Variants in CCDC33 observed in about 807,000 individuals in gnomAD.
The protein encoded by CCDC33 is coiled-coil domain-containing protein 33.
A neutral mutation model predicts 91.9 loss-of-function variants in CCDC33; 94 were observed. The observed-to-expected ratio is 1.02, with a 90% confidence interval of 0.87 to 1.21. The LOEUF (loss-of-function observed/expected upper bound fraction) is 1.21. Among genes scored for constraint, CCDC33 ranks in the 50% most tolerant of loss-of-function variants. The pLI is 0.00. For synonymous variants in CCDC33, 396 were observed against 374.5 expected (o/e 1.06, Z -0.66); for missense variants, 940 against 935.5 (o/e 1.00, Z -0.06).
intron 10 of CCDC33, among the ~76,000 whole-genome samples, chr15:74,287,886 G>A (rs907229544): frequency 9.9e-5 from 15 of 152,216 alleles, no homozygotes; most frequent in Non-Finnish European, 2.9e-5. Flanking sequence ...CCAGGTCACA[G>A]ACTCTGTGTC....
chr15:74,212,312 C>G (rs2074375310), upstream of CCDC33: 1 of 152,308 alleles, frequency 6.6e-6, no homozygotes, highest in Non-Finnish European at 1.5e-5. Flanking sequence ...TACCTTCTCC[C>G]TCCCGCCAGA....
chr15:74,251,770 A>G (rs867628709), intron 2 of CCDC33, among the ~76,000 whole-genome samples: 6 of 152,184 alleles, frequency 3.9e-5, no homozygotes, highest in African/African-American at 4.8e-5. Context: ...GACCCTGGTC[A>G]CAGACTGAGG....
At chr15:74,315,259 G>A (rs894604136) in intron 11 of CCDC33, among the ~76,000 whole-genome samples, 4 of 152,312 alleles carry the variant, frequency 2.6e-5, no homozygotes, top group South Asian at 2.1e-4. Flanking sequence ...AACATCCTGC[G>A]TGCCCCACCC....
intron 11 of CCDC33, among the ~76,000 whole-genome samples, chr15:74,328,977 T>G (rs966986889): frequency 1.3e-5 from 2 of 152,164 alleles, no homozygotes; most frequent in Non-Finnish European, 2.9e-5. Flanking sequence ...CACCTGCTGT[T>G]CCTCCATCCA....
At chr15:74,253,722 C>A (rs2075778808) in intron 2 of CCDC33, among the ~76,000 whole-genome samples, 1 of 152,140 alleles carries the variant, frequency 6.6e-6, no homozygotes, top group Non-Finnish European at 1.5e-5. Context: ...TCCTGTAGTT[C>A]CTGGCATGTG....
At chr15:74,231,348 C>G (rs1207842357), upstream of CCDC33, among the ~76,000 whole-genome samples, 7 of 152,360 alleles carry the variant, frequency 4.6e-5, no homozygotes, top group South Asian at 1.4e-3. Context: ...TCCTCCAGGC[C>G]CCCTGGCTCT....
chr15:74,231,292 A>T (rs1231244641), intron 2 of CCDC33, among the ~76,000 whole-genome samples: 1 of 152,228 alleles, frequency 6.6e-6, no homozygotes, highest in African/African-American at 2.4e-5. Flanking sequence ...ACCAGCCCTC[A>T]TAATCAAACA....
At chr15:74,295,692 T>C (rs1206207756) in intron 10 of CCDC33, 62 bp from the exon 11 acceptor site, 4 of 1,428,310 alleles carry the variant, frequency 2.8e-6, no homozygotes, top group Non-Finnish European at 3.8e-6. Context: ...ATGGTGTGCT[T>C]ATGGTAGATG....
At chr15:74,284,056 A>AACTG (rs2059426258) in intron 10 of CCDC33, among the ~76,000 whole-genome samples, 1 of 152,234 alleles carries the variant, frequency 6.6e-6, no homozygotes, top group Non-Finnish European at 1.5e-5. Context: ...ATTGGCCAAT[A>AACTG]ACTGACTCCC....
At chr15:74,328,518 T>A (rs1446119248) in intron 11 of CCDC33, among the ~76,000 whole-genome samples, 1 of 152,218 alleles carries the variant, frequency 6.6e-6, no homozygotes, top group Non-Finnish European at 1.5e-5. Context: ...GTGTGTGGTC[T>A]CTAGACAGAG....
chr15:74,306,554 C>G (rs1475490017), intron 11 of CCDC33, among the ~76,000 whole-genome samples: 1 of 152,212 alleles, frequency 6.6e-6, no homozygotes, highest in African/African-American at 2.4e-5. Flanking sequence ...GTGCCTGTCT[C>G]TCTCCAGGCC....
chr15:74,260,141 G>A (rs1393662467), intron 2 of CCDC33, among the ~76,000 whole-genome samples: 4 of 152,318 alleles, frequency 2.6e-5, no homozygotes, highest in African/African-American at 9.6e-5. Flanking sequence ...TGTCAGGAGC[G>A]GGAGCCTAGG....
intron 7 of CCDC33, among the ~76,000 whole-genome samples, chr15:74,276,548 C>T (rs888648002): frequency 2.0e-5 from 3 of 152,192 alleles, no homozygotes; most frequent in African/African-American, 7.2e-5. Context: ...GCTAGCCTCC[C>T]CTCAGGCCCC....
intron 2 of CCDC33, among the ~76,000 whole-genome samples, chr15:74,230,038 C>T (rs995792753): frequency 1.3e-5 from 2 of 152,166 alleles, no homozygotes; most frequent in African/African-American, 4.8e-5. Flanking sequence ...GAGGGATGGC[C>T]CAGGCACATG....
intron 1 of CCDC33, among the ~76,000 whole-genome samples, chr15:74,239,480 C>T (rs570876814): frequency 3.3e-5 from 5 of 152,340 alleles, no homozygotes; most frequent in African/African-American, 1.2e-4. Context: ...GAGGGCAAGG[C>T]TGCCTGTCTG....
At chr15:74,294,756 A>AG (rs1047873532) in intron 10 of CCDC33, among the ~76,000 whole-genome samples, 8 of 151,826 alleles carry the variant, frequency 5.3e-5, no homozygotes, top group African/African-American at 1.7e-4. Context: ...CAAAAAAAAA[A>AG]AAAAGAAAAA....
At position 74,331,001 on chromosome 15, in the gene CCDC33, G is replaced by C. The variant is rs1211704864; in HGVS notation, c.1566G>C (p.Glu522Asp). The change falls in exon 14 of 19, where the codon GAG (glutamate) becomes GAC (aspartate). Residue 522 changes from glutamate (E) to aspartate (D), a missense_variant. Glu to Asp is a conservative substitution (Grantham distance 45, BLOSUM62 2). Transcript: ENST00000398814. ...ELIRKNDREK[E>D]LLLLYQAQQP... ...CACAGAAGAATGATCGAGAGAAGGA[G>C]CTGCTCCTTCTGTATCAGGCCCAGC... The C allele has an allele frequency of 6.2e-7, 1 of 1,600,522 alleles. No individual in the cohort carries two copies.
In CCDC33 at chr15:74,284,649, C is replaced by T. The variant is rs530668977; in HGVS notation, c.1095+2800C>T. ...TGCATTCTTAGCAGGGAGTATGGAA[C>T]AGACAATAAAAAAATAATTCATGTC... is the stretch of plus-strand genomic sequence containing the variant. On this transcript the variant is annotated intron_variant, in intron 10 of 18. Transcript: ENST00000398814. Among the ~76,000 whole-genome samples the T allele has an allele frequency of 3.3e-5, 5 of 152,166 alleles. No homozygotes were observed. The South Asian group carries it at 1.0e-3, about 32-fold the overall frequency.
At chr15:74,217,964 TG>T (rs2074491785) in intron 1 of CCDC33, among the ~76,000 whole-genome samples, 1 of 151,702 alleles carries the variant, frequency 6.6e-6, no homozygotes. Flanking sequence ...CACTAGATTG[TG>T]GGTATGTTGG....
Sources: allele counts gnomAD v4.1 joint callset (sites outside exome capture counted in the v4.1 genomes callset), GRCh38; gene constraint gnomAD v4.1.1; transcripts MANE v1.5; gene names NCBI Gene and HGNC (gene_info 2026-07-23, HGNC 2026-07-21).